The following SLCO3A1 variants were observed in gnomAD, a reference collection of about 807,000 sequenced individuals.
SLCO3A1 encodes the protein solute carrier organic anion transporter family member 3A1, also known as PGE1 transporter.
Under a neutral mutation model 63.1 loss-of-function variants are expected in SLCO3A1, and 27 were observed. That is an observed-to-expected ratio of 0.43 (90% CI 0.32 to 0.59). SLCO3A1 has a LOEUF of 0.59. SLCO3A1 is among the 20% of genes least tolerant of loss of function. The pLI is 0.09. For missense variants in SLCO3A1, 773 were observed against 945.8 expected, an observed-to-expected ratio of 0.82 and a Z score of 2.40; for synonymous variants, 473 against 409.9, an observed-to-expected ratio of 1.15 and a Z score of -1.86.
chr15:92,042,389 A>T (rs1314724305), intron 2 of SLCO3A1, among the ~76,000 whole-genome samples: 1 of 152,176 alleles, frequency 6.6e-6, no homozygotes, highest in Non-Finnish European at 1.5e-5. Context: ...CTGTTTTATT[A>T]TGCCGTCTAG....
At chr15:92,112,324 G>A (rs1290025403) in intron 4 of SLCO3A1, among the ~76,000 whole-genome samples, 5 of 152,234 alleles carry the variant, frequency 3.3e-5, no homozygotes, top group African/African-American at 4.8e-5. Flanking sequence ...GAAGCTGCTC[G>A]TGGAGGCTTT....
intron 1 of SLCO3A1, among the ~76,000 whole-genome samples, chr15:91,870,060 TTTGGG>T (rs1326496493): frequency 5.9e-5 from 9 of 152,268 alleles, no homozygotes; most frequent in Admixed American, 2.0e-4. Flanking sequence ...AATCCTTCCC[TTTGGG>T]GAGGATTGAG....
intron 2 of SLCO3A1, among the ~76,000 whole-genome samples, chr15:92,045,738 A>G (rs759916388): frequency 3.9e-5 from 6 of 152,202 alleles, no homozygotes; most frequent in Non-Finnish European, 8.8e-5. Context: ...TGCAGAGGCA[A>G]GGTGCATTTA....
rs200951826 is a variant in SLCO3A1 at position 91,866,576 on chromosome 15, A to T, written c.180+12488A>T. 2.3e-3 allele frequency among the ~76,000 whole-genome samples: 321 copies of T among 140,116 alleles called. 1 individual carries two copies. The highest frequency in any genetic ancestry group is 8.4e-3 in the South Asian group (36 of 4,280). 91.9% of individuals were successfully genotyped at this position (140,116 alleles called of 152,430 possible). ...TTTCTCTGCACAGGCTCCTTTTTTT[A>T]AAAAAAAAAAAAAAAGAAAAAAAAA... On this transcript the variant is annotated intron_variant, in intron 1 of 9. Coordinates refer to ENST00000318445, the MANE Select transcript of SLCO3A1 (RefSeq NM_013272.4).
rs1180696908 is a variant in SLCO3A1 at position 91,942,418 on chromosome 15, C to T, written c.646+25960C>T. The stretch of plus-strand genomic sequence containing the variant: ...TGTGCAGGTAAAACATGCCATTTAG[C>T]AGTGCTACTATGGCACAACTGCAGG... On this transcript the variant is annotated intron_variant, in intron 2 of 9. Coordinates refer to ENST00000318445, the MANE Select transcript of SLCO3A1 (RefSeq NM_013272.4). The surrounding 1 kb of genome is among the most constrained non-coding windows in gnomAD (Gnocchi z 4.1). 6.6e-6 allele frequency among the ~76,000 whole-genome samples: 1 copy of T among 152,154 alleles called. No homozygotes were observed. Among genetic ancestry groups the T allele is most frequent in the African/African-American group, 2.4e-5 (1 of 41,436 alleles).
At chr15:91,998,168 G>A (rs2046213574) in intron 2 of SLCO3A1, among the ~76,000 whole-genome samples, 1 of 152,158 alleles carries the variant, frequency 6.6e-6, no homozygotes, top group Non-Finnish European at 1.5e-5. Context: ...TAAAAAGTGG[G>A]CAAGGTCAGG....
At chr15:91,909,350 T>A (rs1898411978) in intron 1 of SLCO3A1, among the ~76,000 whole-genome samples, 3 of 152,238 alleles carry the variant, frequency 2.0e-5, no homozygotes, top group Admixed American at 2.0e-4. Flanking sequence ...ATATTGTCCA[T>A]GCATGCTGCT....
intron 2 of SLCO3A1, among the ~76,000 whole-genome samples, chr15:92,089,984 T>C (rs2047451842): frequency 6.6e-6 from 1 of 152,200 alleles, no homozygotes; most frequent in African/African-American, 2.4e-5. Flanking sequence ...TAAGTGTTGC[T>C]ATCCTCACAA....
chr15:91,913,320 G>T (rs1239193455), intron 1 of SLCO3A1, among the ~76,000 whole-genome samples: 2 of 152,238 alleles, frequency 1.3e-5, no homozygotes, highest in Non-Finnish European at 2.9e-5. Flanking sequence ...AGGGCTGAAA[G>T]AGAGACCCCC....
At chr15:91,930,573 G>A (rs1261328878) in intron 2 of SLCO3A1, among the ~76,000 whole-genome samples, 1 of 152,108 alleles carries the variant, frequency 6.6e-6, no homozygotes, top group Non-Finnish European at 1.5e-5. Flanking sequence ...TTTTAACAGA[G>A]GTGTTAAATT....
At chr15:91,935,790 C>T (rs546087481) in intron 2 of SLCO3A1, among the ~76,000 whole-genome samples, 2 of 152,224 alleles carry the variant, frequency 1.3e-5, no homozygotes, top group South Asian at 4.1e-4. Context: ...GGAGATTTTA[C>T]ACTTCTCACT....
At position 91,854,451 on chromosome 15, in the gene SLCO3A1, CG is replaced by C. The variant is rs1896860533; in HGVS notation, c.180+367del. 11 of 933,684 alleles carry C rather than the reference CG, an allele frequency of 1.2e-5. No homozygotes were observed. The highest frequency in any genetic ancestry group is 1.4e-5 in the Non-Finnish European group (11 of 775,448). The allele number at this position is 933,684 out of a possible 1,614,324, so 57.8% of individuals were successfully genotyped here. A position where few individuals can be genotyped will look rare whatever the true frequency, so the allele number is the denominator to read the frequency against. On this transcript the variant is annotated intron_variant, in intron 1 of 9. Transcript: ENST00000318445. The surrounding 1 kb of genome is among the most constrained non-coding windows in gnomAD (Gnocchi z 6.4). ...TCCTTGGAGAGGAACGAAAAAGCGT[CG>C]GGGTTTTCAGGTGACCTGCACATGG...
chr15:91,977,653 G>A (rs1567048026), intron 2 of SLCO3A1, among the ~76,000 whole-genome samples: 1 of 152,008 alleles, frequency 6.6e-6, no homozygotes, highest in African/African-American at 2.4e-5. Flanking sequence ...CTACATATTG[G>A]GTAGAATGTA....
intron 2 of SLCO3A1, among the ~76,000 whole-genome samples, chr15:91,922,242 G>T (rs1597123130): frequency 6.6e-6 from 1 of 152,114 alleles, no homozygotes; most frequent in African/African-American, 2.4e-5. Flanking sequence ...TTCTCCTGAG[G>T]ATGGATGTTC....
At chr15:92,098,646 A>T (rs2047568258) in intron 3 of SLCO3A1, among the ~76,000 whole-genome samples, 1 of 152,174 alleles carries the variant, frequency 6.6e-6, no homozygotes, top group African/African-American at 2.4e-5. Context: ...CTATACATAG[A>T]TTGCCTCATT....
At position 92,164,456 on chromosome 15, in the gene SLCO3A1, A is replaced by C. The variant is rs1176750555; in HGVS notation, c.*1321A>C. The C allele has an allele frequency of 2.2e-5, 22 of 985,312 alleles. No individual in the cohort carries two copies. The highest frequency in any genetic ancestry group is 2.5e-5 in the Non-Finnish European group (21 of 829,938). The allele number at this position is 985,312 out of a possible 1,614,324, so 61.0% of individuals were successfully genotyped here. On this transcript the variant is annotated 3_prime_UTR_variant, in exon 10 of 10. Transcript: ENST00000318445. ...ATGATTCAGTGATCACTGTCACGGG[A>C]AACCCTTTTATATTCATGCTTGACA...
At chr15:91,858,302 G>T (rs1896972720) in intron 1 of SLCO3A1, among the ~76,000 whole-genome samples, 1 of 151,998 alleles carries the variant, frequency 6.6e-6, no homozygotes, top group African/African-American at 2.4e-5. Flanking sequence ...ATACACTTAT[G>T]CTTACTCAAA....
chr15:92,161,631 T>G (rs1470551355), intron 9 of SLCO3A1: 1 of 152,270 alleles, frequency 6.6e-6, no homozygotes, highest in Non-Finnish European at 1.5e-5. Context: ...TTAAACTATA[T>G]GTGTATACAC....
intron 2 of SLCO3A1, among the ~76,000 whole-genome samples, chr15:92,031,993 G>T (rs139547851): frequency 6.6e-6 from 1 of 152,128 alleles, no homozygotes; most frequent in African/African-American, 2.4e-5. Flanking sequence ...GTAAATGGAT[G>T]TCAGTTCTGT....
Sources: allele counts gnomAD v4.1 joint callset (sites outside exome capture counted in the v4.1 genomes callset), GRCh38; gene constraint gnomAD v4.1.1; non-coding constraint Gnocchi (gnomAD v3.1); transcripts MANE v1.5; gene names NCBI Gene and HGNC (gene_info 2026-07-23, HGNC 2026-07-21).